TBKBP1: variants seen among roughly 807,000 people sequenced by gnomAD.
TBKBP1 encodes the protein TBK1 binding protein 1.
A neutral mutation model predicts 69.9 loss-of-function variants in TBKBP1; 47 were observed. That is an observed-to-expected ratio of 0.67 (90% CI 0.53 to 0.86). The LOEUF (loss-of-function observed/expected upper bound fraction) is 0.86. Ranked by LOEUF, TBKBP1 falls within the 40% of genes least tolerant of loss-of-function variation. The pLI is 0.00. For synonymous variants in TBKBP1, 418 were observed against 390.3 expected, an observed-to-expected ratio of 1.07 and a Z score of -0.84; for missense variants, 831 against 858.6, an observed-to-expected ratio of 0.97 and a Z score of 0.40.
chr17:47,708,582 C>T lies in TBKBP1; in HGVS notation c.991+70C>T, dbSNP rs1597968837. On this transcript the variant is annotated intron_variant, in intron 8 of 9. Transcript: ENST00000578982. The surrounding 1 kb of genome is among the most constrained non-coding windows in gnomAD (Gnocchi z 4.4). ...AGGAGCGGGTAGCCATGGCAACCATCTTGGTCATGGGGACCACCCTTTATT... is the reference window on the plus strand; with the variant it reads ...AGGAGCGGGTAGCCATGGCAACCATTTTGGTCATGGGGACCACCCTTTATT... The T allele has an allele frequency of 1.9e-6, 3 of 1,558,162 alleles. No homozygotes were observed. In the African/African-American group the frequency reaches 4.1e-5, roughly 21 times the overall value.
intron 3 of TBKBP1, 32 bp downstream of exon 3, chr17:47,696,865 G>A: frequency 6.2e-7 from 1 of 1,610,506 alleles, no homozygotes; most frequent in Non-Finnish European, 8.5e-7. Context: ...CACCCCCTGA[G>A]CATCTTGCTC....
intron 7 of TBKBP1, among the ~76,000 whole-genome samples, chr17:47,705,382 G>T (rs2031661250): frequency 2.0e-5 from 3 of 152,242 alleles, no homozygotes; most frequent in Admixed American, 2.0e-4. Context: ...TTGTTGTGGA[G>T]ATGAATAAAG....
chr17:47,696,041 A>G, intron 1 of TBKBP1, 38 bp from the exon 2 acceptor site: 1 of 1,253,724 alleles, frequency 8.0e-7, no homozygotes, highest in Non-Finnish European at 1.1e-6. Flanking sequence ...CAAACCCTAG[A>G]CAGACGGCCC....
In TBKBP1 at chr17:47,710,649, T is replaced by C; in HGVS notation, c.*23T>C. The C allele has an allele frequency of 6.3e-7, 1 of 1,587,606 alleles. No individual in the cohort carries two copies. The highest frequency in any genetic ancestry group is 8.6e-7 in the Non-Finnish European group (1 of 1,158,762). On this transcript the variant is annotated 3_prime_UTR_variant, in exon 10 of 10. Coordinates refer to ENST00000578982, the MANE Select transcript of TBKBP1 (RefSeq NM_001394755.1). ...TAGGGCACCAGCCCCACCCACTGGC[T>C]GTTTCTCCGTCCTCTCCTATCACCC... is the stretch of plus-strand genomic sequence containing the variant.
chr17:47,708,883 C>A lies in TBKBP1; in HGVS notation c.1150C>A (p.Arg384Ser). 7.1e-7 allele frequency: 1 copy of A among 1,409,726 alleles called. No individual in the cohort carries two copies. The highest frequency in any genetic ancestry group is 2.8e-5 in the Admixed American group (1 of 35,598). The allele number at this position is 1,409,726 out of a possible 1,614,324, so 87.3% of individuals were successfully genotyped here. A position where few individuals can be genotyped will look rare whatever the true frequency, so the allele number is the denominator to read the frequency against. Residue 384 changes from arginine (R) to serine (S), a missense_variant, in exon 9 of 10, where the codon CGC becomes AGC. Coordinates refer to ENST00000578982, the MANE Select transcript of TBKBP1 (RefSeq NM_001394755.1). The surrounding 1 kb of genome is among the most constrained non-coding windows in gnomAD (Gnocchi z 4.4). ...CCCGTGCCCCTCGCCGCAGCAGCGC[C>A]GCTCTCCGGCCTCACCCTCCTGCCC... ...VPPCPSPQQR[R>S]SPASPSCPSP...
Position 47,696,722 on chromosome 17 carries a change from C to A in TBKBP1, c.237C>A (p.Ile79=). The part of the protein sequence containing the change: ...LKVYEIKYPL[I]SDFGEEHGFS... ...CACCCCACCTGCAGTACCCACTGAT[C>A]AGTGACTTTGGAGAGGAGCATGGCT... Residue 79 remains isoleucine, a synonymous_variant, in exon 3 of 10, where the codon ATC becomes ATA. Transcript: ENST00000578982. 1 of 1,613,916 alleles carries A rather than the reference C, an allele frequency of 6.2e-7. No individual in the cohort carries two copies. Among genetic ancestry groups the A allele is most frequent in the South Asian group, 1.1e-5 (1 of 91,082 alleles).
Position 47,710,854 on chromosome 17 carries a change from CT to C in TBKBP1, c.*230del. 1 of 523,838 alleles carries C rather than the reference CT, an allele frequency of 1.9e-6. No homozygotes were observed. Among genetic ancestry groups the C allele is most frequent in the Non-Finnish European group, 3.2e-6 (1 of 309,826 alleles). 32.4% of individuals were successfully genotyped at this position (523,838 alleles called of 1,614,324 possible). On this transcript the variant is annotated 3_prime_UTR_variant, in exon 10 of 10. Coordinates refer to ENST00000578982, the MANE Select transcript of TBKBP1 (RefSeq NM_001394755.1). Reference sequence around the variant, plus strand: ...GCTCCCCCCATGCTCCTGGTTTCTGCTTAGGAGGTGGGGACTTGGGCTGGGA... The same window carrying C: ...GCTCCCCCCATGCTCCTGGTTTCTGCTAGGAGGTGGGGACTTGGGCTGGGA...
Position 47,708,378 on chromosome 17 carries a change from T to C in TBKBP1, c.873-16T>C, listed in dbSNP as rs752029654. On this transcript the variant is annotated splice_polypyrimidine_tract_variant and intron_variant, in intron 7 of 9. Transcript: ENST00000578982. This position sits in a 1 kb window ranked among gnomAD's most constrained non-coding sequence, Gnocchi z 4.4. ...CCACTGCCCTTCTCGTCTTTCCCAC[T>C]GCCCTCTGACTTCAGGGTGAATTTG... 6.2e-7 allele frequency: 1 copy of C among 1,613,652 alleles called. No homozygotes were observed. Among genetic ancestry groups the C allele is most frequent in the East Asian group, 2.2e-5 (1 of 44,874 alleles).
chr17:47,698,848 T>A lies in TBKBP1; in HGVS notation c.634+73T>A, dbSNP rs571325495. 194 of 1,307,860 alleles carry A rather than the reference T, an allele frequency of 1.5e-4. 1 individual carries two copies. The East Asian group carries it at 4.9e-3, about 33-fold the overall frequency. The allele number at this position is 1,307,860 out of a possible 1,614,324, so 81.0% of individuals were successfully genotyped here. A position where few individuals can be genotyped will look rare whatever the true frequency, so the allele number is the denominator to read the frequency against. On this transcript the variant is annotated intron_variant, in intron 5 of 9. Coordinates refer to ENST00000578982, the MANE Select transcript of TBKBP1 (RefSeq NM_001394755.1). ...TTCAACATTCCTAGACACCTCGCAC[T>A]TACTTACCATCCCATTTGTAATATA... is the stretch of plus-strand genomic sequence containing the variant.
rs1391172643 is a variant in TBKBP1 at position 47,711,846 on chromosome 17, C to G, written c.*1220C>G. On this transcript the variant is annotated 3_prime_UTR_variant, in exon 10 of 10. Transcript: ENST00000578982. ...GCGCATGTCCCGCTCTTATCCAACT[C>G]TTCCAGGCCCCACCTCCCTGCACCC... 1 of 152,618 alleles carries G rather than the reference C, an allele frequency of 6.6e-6. No individual in the cohort carries two copies. The highest frequency in any genetic ancestry group is 1.5e-5 in the Non-Finnish European group (1 of 68,148). The allele number at this position is 152,618 out of a possible 1,614,324, so 9.5% of individuals were successfully genotyped here.
At chr17:47,696,881 T>C in intron 3 of TBKBP1, 48 bp downstream of exon 3, 1 of 1,603,634 alleles carries the variant, frequency 6.2e-7, no homozygotes, top group Non-Finnish European at 8.5e-7. Context: ...TGCTCCAGTC[T>C]GTTTCTGATA....
intron 3 of TBKBP1, 88 bp downstream of exon 3, chr17:47,696,921 C>G (rs1244955873): frequency 3.8e-6 from 6 of 1,562,368 alleles, no homozygotes; most frequent in Middle Eastern, 4.4e-4. Context: ...CAGCATCTGG[C>G]CTCTGCCCTT....
At position 47,699,403 on chromosome 17, in the gene TBKBP1, G is replaced by T; in HGVS notation, c.718G>T (p.Ala240Ser). The T allele has an allele frequency of 6.4e-7, 1 of 1,566,556 alleles. No individual in the cohort carries two copies. The highest frequency in any genetic ancestry group is 1.9e-5 in the Admixed American group (1 of 51,844). ...GGCTTTGGAGGCCGCGCAGGGAGAGGCCCGGGGGGCTCAGCTCCGGGAGGA... is the reference window on the plus strand; with the variant it reads ...GGCTTTGGAGGCCGCGCAGGGAGAGTCCCGGGGGGCTCAGCTCCGGGAGGA... ...EEALEAAQGE[A>S]RGAQLREEQL... The change falls in exon 6 of 10, where the codon GCC becomes TCC. Residue 240 changes from alanine to serine, a missense_variant. Transcript: ENST00000578982.
Position 47,699,349 on chromosome 17 carries a change from A to C in TBKBP1, c.664A>C (p.Ser222Arg). The change falls in exon 6 of 10, where the codon AGT (serine) becomes CGT (arginine). Residue 222 changes from serine (S) to arginine (R), a missense_variant. Coordinates refer to ENST00000578982, the MANE Select transcript of TBKBP1 (RefSeq NM_001394755.1). The part of the protein sequence containing the change: ...AGWPGSTPSV[S>R]DLERRRLEEA... ...CTGGCCGGGCTCCACACCCAGTGTG[A>C]GTGACCTGGAGCGGCGGCGGCTAGA... The C allele has an allele frequency of 6.5e-7, 1 of 1,545,544 alleles. No homozygotes were observed. Among genetic ancestry groups the C allele is most frequent in the Non-Finnish European group, 8.7e-7 (1 of 1,151,712 alleles).
chr17:47,710,474 A>G, intron 9 of TBKBP1, 24 bp from the exon 10 acceptor site: 2 of 1,596,382 alleles, frequency 1.3e-6, no homozygotes, highest in Non-Finnish European at 1.7e-6. Context: ...GGGGACCATA[A>G]GTGACTTCCT....
chr17:47,699,220 C>T, intron 5 of TBKBP1, 100 bp from the exon 6 acceptor site: 1 of 1,295,718 alleles, frequency 7.7e-7, no homozygotes, highest in Non-Finnish European at 1.0e-6. Context: ...GTCCTGGCTT[C>T]TCTCTTGGAG....
chr17:47,703,531 G>A (rs1272140264), intron 7 of TBKBP1, among the ~76,000 whole-genome samples: 1 of 152,236 alleles, frequency 6.6e-6, no homozygotes, highest in African/African-American at 2.4e-5. Context: ...GAGGCTAGGT[G>A]GGTCTGAGGG....
Position 47,708,888 on chromosome 17 carries a change from T to C in TBKBP1, c.1155T>C (p.Ser385=). The part of the protein sequence containing the change: ...PPCPSPQQRR[S]PASPSCPSPV... ...GCCCCTCGCCGCAGCAGCGCCGCTC[T>C]CCGGCCTCACCCTCCTGCCCGTCGC... is the stretch of plus-strand genomic sequence containing the variant. The change falls in exon 9 of 10, where the codon TCT becomes TCC. Residue 385 remains serine, a synonymous_variant. Transcript: ENST00000578982. This position sits in a 1 kb window ranked among gnomAD's most constrained non-coding sequence, Gnocchi z 4.4. The C allele has an allele frequency of 7.2e-7, 1 of 1,396,350 alleles. No individual in the cohort carries two copies. Among genetic ancestry groups the C allele is most frequent in the Non-Finnish European group, 9.3e-7 (1 of 1,079,906 alleles). 86.5% of individuals were successfully genotyped at this position (1,396,350 alleles called of 1,614,324 possible).
At position 47,704,505 on chromosome 17, in the gene TBKBP1, G is replaced by A. The variant is rs368943080; in HGVS notation, c.873-3889G>A. On this transcript the variant is annotated intron_variant, in intron 7 of 9. Transcript: ENST00000578982. ...GGTCCCTAAATTATCCCACAGGGGT[G>A]AGGTGGCTGGGGCAGCTGGGGGCAG... Among the ~76,000 whole-genome samples, 33 of 152,328 alleles carry A rather than the reference G, an allele frequency of 2.2e-4. No homozygotes were observed. The East Asian group carries it at 2.3e-3, about 11-fold the overall frequency.
Sources: allele counts gnomAD v4.1 joint callset (sites outside exome capture counted in the v4.1 genomes callset), GRCh38; gene constraint gnomAD v4.1.1; non-coding constraint Gnocchi (gnomAD v3.1); transcripts MANE v1.5; gene names NCBI Gene and HGNC (gene_info 2026-07-23, HGNC 2026-07-21).